Variants in CATSPERE observed in about 807,000 individuals in gnomAD.
The protein encoded by CATSPERE is cation channel sperm-associated auxiliary subunit epsilon.
CATSPERE carries 93 observed loss-of-function variants against 114.1 expected under a neutral mutation model. The ratio of observed to expected loss-of-function variants is 0.81; its 90% CI spans 0.69 to 0.97. The LOEUF is 0.97. Ranked by LOEUF, CATSPERE falls within the 50% of genes least tolerant of loss-of-function variation. The pLI is 0.00. For missense variants in CATSPERE, 1,058 were observed against 1,131.6 expected (o/e 0.93, Z 0.93); for synonymous variants, 341 against 384.1 (o/e 0.89, Z 1.31).
chr1:244,590,119 G>A (rs1352274431), intron 14 of CATSPERE, among the ~76,000 whole-genome samples: 1 of 152,166 alleles, frequency 6.6e-6, no homozygotes, highest in African/African-American at 2.4e-5. Flanking sequence ...AAAAATGGTG[G>A]TGACAAGGGT....
chr1:244,585,666 C>T (rs1347552514), intron 13 of CATSPERE, among the ~76,000 whole-genome samples: 1 of 152,192 alleles, frequency 6.6e-6, no homozygotes, highest in African/African-American at 2.4e-5. Context: ...GAACCATGGC[C>T]TACAGACTGA....
intron 20 of CATSPERE, among the ~76,000 whole-genome samples, chr1:244,621,859 A>G (rs1316559117): frequency 3.9e-5 from 6 of 152,220 alleles, no homozygotes; most frequent in African/African-American, 1.4e-4. Context: ...GACTGCATTC[A>G]TGAAAAGAAA....
Position 244,490,677 on chromosome 1 carries a change from C to A in CATSPERE, c.351+206C>A, listed in dbSNP as rs555117517. 5.3e-5 allele frequency among the ~76,000 whole-genome samples: 8 copies of A among 151,556 alleles called. No individual in the cohort carries two copies. The South Asian group carries it at 1.0e-3, about 20-fold the overall frequency. On this transcript the variant is annotated intron_variant, in intron 6 of 21. Transcript: ENST00000366534. The stretch of plus-strand genomic sequence containing the variant: ...ACCTATCTGCATAAGGATGGATCTT[C>A]CCCCCTTTTACTTCTACCGAGATAA...
rs374680948 is a variant in CATSPERE, at chr1:244,479,647, T to G, written c.259-70T>G. The stretch of plus-strand genomic sequence containing the variant: ...AGTAACTTACTTCCTCTGTGACTTC[T>G]GTGGCTATATCCATATTTGCATTTG... On this transcript the variant is annotated intron_variant, in intron 4 of 21. Transcript: ENST00000366534. 2.4e-5 allele frequency: 21 copies of G among 875,608 alleles called. No homozygotes were observed. In the African/African-American group the frequency reaches 3.4e-4, roughly 14 times the overall value. The allele number at this position is 875,608 out of a possible 1,614,324, so 54.2% of individuals were successfully genotyped here. A position where few individuals can be genotyped will look rare whatever the true frequency, so the allele number is the denominator to read the frequency against.
Position 244,572,317 on chromosome 1 carries a change from C to A in CATSPERE, c.1508-13C>A, listed in dbSNP as rs371583080. ...GTTACTTAGACTAACACAAACTTTT[C>A]TCTTTTTTCCAGATTATTATGGAGA... On this transcript the variant is annotated splice_polypyrimidine_tract_variant and intron_variant, in intron 10 of 21. Coordinates refer to ENST00000366534, the MANE Select transcript of CATSPERE (RefSeq NM_001130957.2). 1 of 1,293,172 alleles carries A rather than the reference C, an allele frequency of 7.7e-7. No homozygotes were observed. The highest frequency in any genetic ancestry group is 1.1e-6 in the Non-Finnish European group (1 of 934,000). 80.1% of individuals were successfully genotyped at this position (1,293,172 alleles called of 1,614,324 possible).
intron 8 of CATSPERE, among the ~76,000 whole-genome samples, chr1:244,546,715 T>C (rs538766649): frequency 6.6e-6 from 1 of 152,066 alleles, no homozygotes; most frequent in South Asian, 2.1e-4. Context: ...ATAGAGAGCA[T>C]CAACAGCCAG....
chr1:244,533,321 G>A (rs3005959), intron 8 of CATSPERE, among the ~76,000 whole-genome samples: 19,550 of 151,990 alleles, frequency 0.13, 2,186 homozygotes, highest in African/African-American at 0.3. Flanking sequence ...GCCACTGTAT[G>A]TCTTTTGATT....
chr1:244,556,878 A>C (rs977754464), intron 9 of CATSPERE, among the ~76,000 whole-genome samples: 1 of 152,216 alleles, frequency 6.6e-6, no homozygotes, highest in African/African-American at 2.4e-5. Flanking sequence ...CAAGCTATAC[A>C]AAAGAGAAAG....
chr1:244,583,808 A>G (rs1572874902), intron 12 of CATSPERE, 56 bp from the exon 13 acceptor site: 1 of 1,517,152 alleles, frequency 6.6e-7, no homozygotes, highest in East Asian at 2.3e-5. Flanking sequence ...ACAGAAAGAC[A>G]GTGTCATGCC....
chr1:244,461,920 C>T (rs1666881942), intron 1 of CATSPERE, among the ~76,000 whole-genome samples: 1 of 152,140 alleles, frequency 6.6e-6, no homozygotes, highest in Admixed American at 6.5e-5. Flanking sequence ...CCCAAGCGCT[C>T]CTCGCACCTC....
intron 5 of CATSPERE, among the ~76,000 whole-genome samples, chr1:244,486,868 C>T (rs113337343): frequency 1.2e-5 from 1 of 80,602 alleles, no homozygotes; most frequent in Non-Finnish European, 2.5e-5. Flanking sequence ...AGGTGTAGAC[C>T]CTCGTAGTCA....
chr1:244,610,219 A>G, intron 18 of CATSPERE, 21 bp from the exon 19 acceptor site: 2 of 1,542,606 alleles, frequency 1.3e-6, no homozygotes, highest in Non-Finnish European at 1.8e-6. Flanking sequence ...CTACCCACAT[A>G]CATGTGCCAT....
upstream of CATSPERE, among the ~76,000 whole-genome samples, chr1:244,453,754 A>G (rs183337918): frequency 1.3e-4 from 20 of 152,188 alleles, 1 homozygote; most frequent in East Asian, 3.9e-3. Context: ...CTGTAGCCCC[A>G]TTGCAGGGCA....
At position 244,615,594 on chromosome 1, in the gene CATSPERE, T is replaced by C. The variant is rs149353933; in HGVS notation, c.2491-1935T>C. Among the ~76,000 whole-genome samples the C allele has an allele frequency of 1.1e-4, 16 of 152,022 alleles. No homozygotes were observed. In the East Asian group the frequency reaches 1.5e-3, roughly 15 times the overall value. ...AATAACGTAAGGAAATGGTAAGTAT[T>C]TGTGCAATAGGAATTTTTCAGCTCC... On this transcript the variant is annotated intron_variant, in intron 19 of 21. Coordinates refer to ENST00000366534, the MANE Select transcript of CATSPERE (RefSeq NM_001130957.2).
intron 9 of CATSPERE, among the ~76,000 whole-genome samples, chr1:244,554,898 GC>G (rs1163156551): frequency 3.9e-5 from 6 of 152,038 alleles, no homozygotes; most frequent in Non-Finnish European, 1.5e-5. Context: ...AAAAATTCTA[GC>G]AAACTGAATC....
At chr1:244,514,207 T>G (rs1406177702) in intron 7 of CATSPERE, among the ~76,000 whole-genome samples, 2 of 152,194 alleles carry the variant, frequency 1.3e-5, no homozygotes, top group Non-Finnish European at 2.9e-5. Flanking sequence ...TTCTAAGAGT[T>G]TTATCGTTTA....
intron 20 of CATSPERE, among the ~76,000 whole-genome samples, chr1:244,620,270 T>G (rs1671926186): frequency 6.6e-6 from 1 of 152,238 alleles, no homozygotes; most frequent in South Asian, 2.1e-4. Context: ...ATCCACATTT[T>G]AAGCCATGTG....
intron 18 of CATSPERE, 40 bp downstream of exon 18, chr1:244,605,834 C>G (rs1669914595): frequency 7.6e-7 from 1 of 1,319,870 alleles, no homozygotes; most frequent in Admixed American, 1.9e-5. Flanking sequence ...TAGCATGCAA[C>G]TAGACAATGT....
chr1:244,486,927 C>T (rs1179072390), intron 5 of CATSPERE, among the ~76,000 whole-genome samples: 5 of 127,884 alleles, frequency 3.9e-5, no homozygotes, highest in East Asian at 2.5e-4. Flanking sequence ...AGGTGTAGAC[C>T]CTCGTAGTCA....
Sources: gnomAD v4.1 joint callset for allele counts (sites outside exome capture counted in the v4.1 genomes callset) on GRCh38, gnomAD v4.1.1 for gene constraint, MANE v1.5 for transcripts, NCBI Gene and HGNC (gene_info 2026-07-23, HGNC 2026-07-21) for gene names.